Variants in CD2AP observed in about 807,000 individuals in gnomAD.
CD2AP encodes the protein CD2 associated protein.
In CD2AP, 46 loss-of-function variants were observed where a neutral mutation model predicts 85.1. The ratio of observed to expected loss-of-function variants is 0.54; its 90% CI spans 0.43 to 0.69. The LOEUF (loss-of-function observed/expected upper bound fraction) is 0.69, where lower values mean the gene tolerates loss of function less well. Ranked by LOEUF, CD2AP falls within the 30% of genes least tolerant of loss-of-function variation. The probability of loss-of-function intolerance (pLI) is 0.00; values close to 1 mark genes in which losing one functional copy is unlikely to be tolerated. For missense variants in CD2AP, 769 were observed against 729.5 expected, an observed-to-expected ratio of 1.05 and a Z score of -0.62; for synonymous variants, 255 against 252.9, an observed-to-expected ratio of 1.01 and a Z score of -0.08.
At chr6:47,571,262 T>C (rs1053879170) in intron 5 of CD2AP, among the ~76,000 whole-genome samples, 2 of 152,196 alleles carry the variant, frequency 1.3e-5, no homozygotes, top group Non-Finnish European at 2.9e-5. Flanking sequence ...CTTCTGGCAA[T>C]GCAGGAGCAA....
rs980281309 is a variant in CD2AP at position 47,602,498 on chromosome 6, A to G, written c.1417+3055A>G. ...TTTAAAATGTAAGATAGAAAATTTT[A>G]TAGTAACATAGCTGTTATATTAAGA... is the stretch of plus-strand genomic sequence containing the variant. On this transcript the variant is annotated intron_variant, in intron 13 of 17. Transcript: ENST00000359314. Among the ~76,000 whole-genome samples the G allele has an allele frequency of 3.9e-5, 6 of 152,040 alleles. No homozygotes were observed. In the East Asian group the frequency reaches 9.6e-4, roughly 24 times the overall value.
chr6:47,566,146 C>T (rs1215312590), intron 5 of CD2AP, among the ~76,000 whole-genome samples: 1 of 151,832 alleles, frequency 6.6e-6, no homozygotes, highest in Non-Finnish European at 1.5e-5. Flanking sequence ...CAGAAATCAC[C>T]TTATCAGTGA....
At chr6:47,614,855 A>G (rs1306850748) in intron 17 of CD2AP, among the ~76,000 whole-genome samples, 1 of 152,194 alleles carries the variant, frequency 6.6e-6, no homozygotes, top group Non-Finnish European at 1.5e-5. Context: ...GTGGTGACAT[A>G]TGGCTGTAGA....
intron 1 of CD2AP, among the ~76,000 whole-genome samples, chr6:47,497,325 C>A (rs564773617): frequency 6.0e-4 from 88 of 147,006 alleles, no homozygotes; most frequent in African/African-American, 2.2e-3. Context: ...CCTTTCCTTT[C>A]CTTTCCTTTC....
intron 1 of CD2AP, among the ~76,000 whole-genome samples, chr6:47,486,921 T>A (rs1398494965): frequency 6.6e-6 from 1 of 152,204 alleles, no homozygotes; most frequent in Non-Finnish European, 1.5e-5. Context: ...TTAAAGTTGG[T>A]CTTTTAAATG....
chr6:47,518,632 C>T (rs1011377778), intron 2 of CD2AP, among the ~76,000 whole-genome samples: 3 of 152,158 alleles, frequency 2.0e-5, no homozygotes, highest in Non-Finnish European at 4.4e-5. Flanking sequence ...TTTGTGTGAA[C>T]ATATATTTTC....
intron 1 of CD2AP, among the ~76,000 whole-genome samples, chr6:47,480,424 T>C (rs1289250036): frequency 4.6e-5 from 7 of 152,198 alleles, no homozygotes; most frequent in African/African-American, 1.7e-4. Flanking sequence ...TTTTTGTGTG[T>C]AAGATAATTT....
intron 12 of CD2AP, 102 bp from the exon 13 acceptor site, chr6:47,599,199 A>G (rs756230664): frequency 2.2e-6 from 2 of 910,598 alleles, no homozygotes; most frequent in Non-Finnish European, 3.5e-6. Flanking sequence ...AACAGAAAGT[A>G]ATCGGTATTA....
At chr6:47,493,697 C>T (rs1582473152) in intron 1 of CD2AP, among the ~76,000 whole-genome samples, 1 of 151,908 alleles carries the variant, frequency 6.6e-6, no homozygotes, top group Non-Finnish European at 1.5e-5. Context: ...GTGTTTATAC[C>T]TCTTGAAGTT....
intron 5 of CD2AP, among the ~76,000 whole-genome samples, chr6:47,565,053 G>A (rs1184949019): frequency 6.6e-6 from 1 of 151,978 alleles, no homozygotes; most frequent in Non-Finnish European, 1.5e-5. Flanking sequence ...TACTTGCTAA[G>A]TAGATAATTC....
At chr6:47,578,845 C>T (rs1285730675) in intron 8 of CD2AP, among the ~76,000 whole-genome samples, 5 of 151,674 alleles carry the variant, frequency 3.3e-5, no homozygotes, top group East Asian at 3.9e-4. Context: ...TTAGTAGAGA[C>T]GGGGTTTCAC....
At chr6:47,589,565 C>CACAGATATATATATATAT (rs139814970) in intron 11 of CD2AP, among the ~76,000 whole-genome samples, 1 of 120,942 alleles carries the variant, frequency 8.3e-6, no homozygotes, top group Admixed American at 8.2e-5. Flanking sequence ...CACACACACA[C>CACAGATATATATATATAT]ATATATATAT....
intron 17 of CD2AP, among the ~76,000 whole-genome samples, chr6:47,613,947 A>T (rs2114155912): frequency 6.6e-6 from 1 of 152,284 alleles, no homozygotes; most frequent in East Asian, 1.9e-4. Flanking sequence ...ATGGCTTCTT[A>T]AACCACATGA....
intron 2 of CD2AP, among the ~76,000 whole-genome samples, chr6:47,519,355 G>T (rs1766527090): frequency 7.2e-6 from 1 of 139,502 alleles, no homozygotes; most frequent in Non-Finnish European, 1.6e-5. Flanking sequence ...GACAAAGTAG[G>T]CTGCATGTGA....
rs1768938327 is a variant in CD2AP at position 47,596,124 on chromosome 6, A to G, written c.1274+98A>G. The G allele has an allele frequency of 4.7e-6, 4 of 854,070 alleles. No homozygotes were observed. In the African/African-American group the frequency reaches 5.1e-5, roughly 11 times the overall value. 52.9% of individuals were successfully genotyped at this position (854,070 alleles called of 1,614,324 possible). A position where few individuals can be genotyped will look rare whatever the true frequency, so the allele number is the denominator to read the frequency against. Reference sequence around the variant, plus strand: ...TAAATCTCCAGGTATGTTTTTTCTTATTTTTCAGTTATATTTATTTTTAAA... The same window carrying G: ...TAAATCTCCAGGTATGTTTTTTCTTGTTTTTCAGTTATATTTATTTTTAAA... On this transcript the variant is annotated intron_variant, in intron 12 of 17. Transcript: ENST00000359314.
intron 8 of CD2AP, among the ~76,000 whole-genome samples, chr6:47,577,924 A>AT (rs1376948530): frequency 1.3e-5 from 2 of 151,984 alleles, no homozygotes; most frequent in Admixed American, 1.3e-4. Context: ...AGTGTATATA[A>AT]TTTTTTTTAA....
intron 5 of CD2AP, among the ~76,000 whole-genome samples, chr6:47,566,334 A>G (rs1033218063): frequency 6.9e-5 from 10 of 145,304 alleles, no homozygotes; most frequent in Non-Finnish European, 1.5e-4. Context: ...ACACATACAC[A>G]TATATATATA....
intron 2 of CD2AP, among the ~76,000 whole-genome samples, chr6:47,509,458 T>C (rs570317844): frequency 6.6e-6 from 1 of 150,852 alleles, no homozygotes; most frequent in Admixed American, 6.6e-5. Flanking sequence ...AAAAATTCAG[T>C]TATTTGTGAT....
At chr6:47,616,781 A>G (rs1769601256) in intron 17 of CD2AP, among the ~76,000 whole-genome samples, 1 of 152,204 alleles carries the variant, frequency 6.6e-6, no homozygotes, top group East Asian at 1.9e-4. Flanking sequence ...TTCACCTTCA[A>G]TTCAGTCTGT....
Sources: allele counts gnomAD v4.1 joint callset (sites outside exome capture counted in the v4.1 genomes callset), GRCh38; gene constraint gnomAD v4.1.1; transcripts MANE v1.5; gene names NCBI Gene and HGNC (gene_info 2026-07-23, HGNC 2026-07-21).